Variants in MAD1L1 observed in about 807,000 individuals in gnomAD.
MAD1L1 encodes the protein mitotic arrest deficient 1 like 1.
A neutral mutation model predicts 96.9 loss-of-function variants in MAD1L1; 95 were observed. That is an observed-to-expected ratio of 0.98 (90% CI 0.83 to 1.16). MAD1L1 has a LOEUF of 1.16. Ranked by LOEUF, MAD1L1 falls within the 50% of genes most tolerant of loss-of-function variation. The probability of loss-of-function intolerance (pLI) is 0.00; values close to 1 mark genes in which losing one functional copy is unlikely to be tolerated. For synonymous variants in MAD1L1, 473 were observed against 396.6 expected (o/e 1.19, Z -2.29); for missense variants, 1,007 against 954.4 (o/e 1.06, Z -0.73).
intron 18 of MAD1L1, among the ~76,000 whole-genome samples, chr7:1,852,884 C>T (rs1431612349): frequency 1.3e-5 from 2 of 152,196 alleles, no homozygotes; most frequent in Non-Finnish European, 2.9e-5. Flanking sequence ...GAAGGGGCGC[C>T]TCCGAGGACG....
intron 12 of MAD1L1, among the ~76,000 whole-genome samples, chr7:2,039,770 G>C (rs1783596045): frequency 6.6e-6 from 1 of 152,072 alleles, no homozygotes; most frequent in South Asian, 2.1e-4. Flanking sequence ...AATCGTCTTT[G>C]TCAGATATGA....
At chr7:2,137,292 C>T (rs533658746) in intron 11 of MAD1L1, among the ~76,000 whole-genome samples, 2 of 152,372 alleles carry the variant, frequency 1.3e-5, no homozygotes, top group African/African-American at 4.8e-5. Flanking sequence ...AGGAAATCTA[C>T]ATTCTACTAC....
intron 14 of MAD1L1, among the ~76,000 whole-genome samples, chr7:1,990,662 G>T (rs1350183213): frequency 6.6e-6 from 1 of 152,256 alleles, no homozygotes; most frequent in Non-Finnish European, 1.5e-5. Context: ...GTGCTTGGAG[G>T]AACCGGGGCC....
rs181095970 is a variant in MAD1L1 at position 2,163,457 on chromosome 7, T to C, written c.987-14219A>G. On this transcript the variant is annotated intron_variant, in intron 10 of 18. Coordinates refer to ENST00000265854, the MANE Select transcript of MAD1L1 (RefSeq NM_001013836.2). ...GGCACAATCTCGGCTCACTGCAACCTCTGCCCCCCCGGTTCAAGCGATTCT... is the reference window on the plus strand; with the variant it reads ...GGCACAATCTCGGCTCACTGCAACCCCTGCCCCCCCGGTTCAAGCGATTCT... Among the ~76,000 whole-genome samples the C allele has an allele frequency of 9.0e-3, 1,370 of 152,282 alleles. 21 individuals are homozygous for C. Among genetic ancestry groups the C allele is most frequent in the African/African-American group, 0.031 (1,282 of 41,540 alleles).
At chr7:2,204,206 A>C (rs56339510) in intron 10 of MAD1L1, among the ~76,000 whole-genome samples, 2,907 of 152,236 alleles carry the variant, frequency 0.019, 100 homozygotes, top group African/African-American at 0.066. Context: ...TCCCTCCCCA[A>C]ATGAAGGCTG....
chr7:2,214,074 G>A (rs189617968), intron 9 of MAD1L1, among the ~76,000 whole-genome samples: 17 of 152,356 alleles, frequency 1.1e-4, no homozygotes, highest in South Asian at 2.1e-4. Context: ...CAGAACATTC[G>A]CTACGCGCCA....
At chr7:2,016,816 C>G (rs1782563166) in intron 12 of MAD1L1, among the ~76,000 whole-genome samples, 1 of 152,274 alleles carries the variant, frequency 6.6e-6, no homozygotes, top group Non-Finnish European at 1.5e-5. Flanking sequence ...GGTCACGTAT[C>G]TGTGGAAAAT....
chr7:1,851,427 C>T (rs932748616), intron 18 of MAD1L1, among the ~76,000 whole-genome samples: 1 of 152,308 alleles, frequency 6.6e-6, no homozygotes, highest in Admixed American at 6.5e-5. Context: ...AGACCTCGAA[C>T]GTGCCATCCT....
intron 11 of MAD1L1, chr7:2,109,326 GGT>G (rs1787258930): frequency 6.6e-6 from 1 of 152,242 alleles, no homozygotes; most frequent in Non-Finnish European, 1.5e-5. Context: ...CACACAATCA[GGT>G]GACGAGAAGC....
intron 18 of MAD1L1, among the ~76,000 whole-genome samples, chr7:1,866,982 G>A (rs1784807784): frequency 6.6e-6 from 1 of 152,196 alleles, no homozygotes; most frequent in Admixed American, 6.5e-5. Context: ...GGTAGGGGAG[G>A]TAGTGGGCAG....
chr7:2,139,996 C>G (rs947718516), intron 11 of MAD1L1, among the ~76,000 whole-genome samples: 2 of 151,064 alleles, frequency 1.3e-5, no homozygotes, highest in East Asian at 3.9e-4. Flanking sequence ...ACCCCGCCCC[C>G]CCCCAGTCCC....
At chr7:1,868,615 G>A (rs919152455) in intron 18 of MAD1L1, among the ~76,000 whole-genome samples, 24 of 152,194 alleles carry the variant, frequency 1.6e-4, no homozygotes, top group African/African-American at 2.7e-4. Context: ...TCTCCAGCGC[G>A]TCATGCGATA....
intron 12 of MAD1L1, among the ~76,000 whole-genome samples, chr7:2,034,061 A>G (rs1783353853): frequency 6.6e-6 from 1 of 152,228 alleles, no homozygotes; most frequent in South Asian, 2.1e-4. Context: ...GCGCCACCAC[A>G]TTGCAGCCTG....
chr7:1,877,733 G>A (rs1785458015), intron 18 of MAD1L1, among the ~76,000 whole-genome samples: 1 of 152,020 alleles, frequency 6.6e-6, no homozygotes, highest in Non-Finnish European at 1.5e-5. Context: ...AAGCAGGAGT[G>A]GCTATATTAA....
At chr7:2,223,263 A>G (rs552672820) in intron 4 of MAD1L1, among the ~76,000 whole-genome samples, 7 of 152,288 alleles carry the variant, frequency 4.6e-5, no homozygotes, top group African/African-American at 1.4e-4. Context: ...TCTGCCACAC[A>G]TGCACCCCCT....
At chr7:1,840,932 C>A (rs1209328307) in intron 18 of MAD1L1, among the ~76,000 whole-genome samples, 1 of 152,242 alleles carries the variant, frequency 6.6e-6, no homozygotes, top group Non-Finnish European at 1.5e-5. Flanking sequence ...GCAGGCCAAG[C>A]CAGGATAGAG....
At chr7:2,009,926 G>A (rs1014634077) in intron 13 of MAD1L1, among the ~76,000 whole-genome samples, 4 of 152,062 alleles carry the variant, frequency 2.6e-5, no homozygotes, top group South Asian at 2.1e-4. Context: ...CTGCACAGAC[G>A]CCCCGTTCTG....
chr7:2,217,615 T>A (rs1793361920), intron 7 of MAD1L1, among the ~76,000 whole-genome samples: 1 of 152,252 alleles, frequency 6.6e-6, no homozygotes, highest in Non-Finnish European at 1.5e-5. Context: ...ATGCCCTGAC[T>A]GAGACCCAGC....
chr7:1,840,690 C>T (rs1329994239), intron 18 of MAD1L1, among the ~76,000 whole-genome samples: 1 of 152,264 alleles, frequency 6.6e-6, no homozygotes, highest in East Asian at 1.9e-4. Context: ...GATCGCGCCA[C>T]TGCACTCCAG....
Sources: gnomAD v4.1 joint callset for allele counts (sites outside exome capture counted in the v4.1 genomes callset) on GRCh38, gnomAD v4.1.1 for gene constraint, MANE v1.5 for transcripts, NCBI Gene and HGNC (gene_info 2026-07-23, HGNC 2026-07-21) for gene names.